The following DNAH5 variants were observed in gnomAD, a reference collection of about 807,000 sequenced individuals.
DNAH5 encodes the protein dynein axonemal heavy chain 5.
Under a neutral mutation model 518.2 loss-of-function variants are expected in DNAH5, and 372 were observed. The ratio of observed to expected loss-of-function variants is 0.72; its 90% CI spans 0.66 to 0.78. The LOEUF is 0.78. Ranked by LOEUF, DNAH5 falls within the 30% of genes least tolerant of loss-of-function variation. The probability of loss-of-function intolerance (pLI) is 0.00; values close to 1 mark genes in which losing one functional copy is unlikely to be tolerated. For synonymous variants in DNAH5, 2,039 were observed against 2,025.9 expected, an observed-to-expected ratio of 1.01 and a Z score of -0.17; for missense variants, 5,523 against 5,687.0, an observed-to-expected ratio of 0.97 and a Z score of 0.93.
upstream of DNAH5, among the ~76,000 whole-genome samples, chr5:13,945,558 G>T (rs1344096097): frequency 1.3e-5 from 2 of 152,120 alleles, no homozygotes; most frequent in Non-Finnish European, 2.9e-5. Context: ...ATATTATTTG[G>T]TAAGTAAATA....
At chr5:13,971,913 C>A (rs1323052645) in intron 1 of DNAH5, among the ~76,000 whole-genome samples, 1 of 152,070 alleles carries the variant, frequency 6.6e-6, no homozygotes, top group Non-Finnish European at 1.5e-5. Context: ...CTTCAGCTAC[C>A]AAGGTGGGTA....
At chr5:13,873,329 G>T (rs1770408868) in intron 22 of DNAH5, among the ~76,000 whole-genome samples, 1 of 151,922 alleles carries the variant, frequency 6.6e-6, no homozygotes, top group African/African-American at 2.4e-5. Flanking sequence ...ATTTCACTAA[G>T]ATTGTTACTG....
chr5:13,870,052 A>T (rs1334651701), intron 24 of DNAH5, among the ~76,000 whole-genome samples: 1 of 152,188 alleles, frequency 6.6e-6, no homozygotes, highest in Non-Finnish European at 1.5e-5. Flanking sequence ...TGCAAAAAAA[A>T]GACATTTTCA....
chr5:13,975,856 A>G (rs1166047498), intron 1 of DNAH5, among the ~76,000 whole-genome samples: 1 of 152,172 alleles, frequency 6.6e-6, no homozygotes, highest in African/African-American at 2.4e-5. Flanking sequence ...AGTCAGCTAA[A>G]CTTGCACAAG....
intron 49 of DNAH5, among the ~76,000 whole-genome samples, chr5:13,793,104 T>A (rs1311515110): frequency 1.3e-5 from 2 of 152,198 alleles, no homozygotes; most frequent in Non-Finnish European, 2.9e-5. Context: ...TGCCATTATT[T>A]CTTTGGCCAA....
intron 4 of DNAH5, 127 bp downstream of exon 4, chr5:13,923,153 A>T: frequency 7.8e-7 from 1 of 1,277,544 alleles, no homozygotes; most frequent in East Asian, 2.3e-5. Context: ...ATTTTTAAAA[A>T]ATACTTCTCT....
At chr5:13,867,689 T>C (rs1181390655) in intron 25 of DNAH5, 85 bp downstream of exon 25, 1 of 1,085,908 alleles carries the variant, frequency 9.2e-7, no homozygotes, top group African/African-American at 1.6e-5. Context: ...TCACAGAAAT[T>C]TACCCATAAT....
Position 13,864,379 on chromosome 5 carries a change from C to T in DNAH5, c.4596+18G>A, listed in dbSNP as rs1219835765. The T allele has an allele frequency of 6.2e-7, 1 of 1,613,258 alleles. No homozygotes were observed. The highest frequency in any genetic ancestry group is 1.1e-5 in the South Asian group (1 of 90,998). ...AATCCCATGAGACCTTGCAATCTTC[C>T]ATCACATCATACTCTACCTCTATTT... is the stretch of plus-strand genomic sequence containing the variant. On this transcript the variant is annotated intron_variant, in intron 28 of 78. Transcript: ENST00000265104.
At chr5:13,847,889 T>C (rs940899471) in intron 31 of DNAH5, among the ~76,000 whole-genome samples, 2 of 152,156 alleles carry the variant, frequency 1.3e-5, no homozygotes, top group South Asian at 2.1e-4. Flanking sequence ...AGTGTTTTAG[T>C]GGTAACTGAA....
chr5:13,941,170 T>C lies in DNAH5; in HGVS notation c.57+3212A>G, dbSNP rs548884934. On this transcript the variant is annotated intron_variant, in intron 1 of 78. Transcript: ENST00000265104. ...GAGTTTGAGATCAGTCTGTGCAGCATAGCAAGACTCCATCTCTACAAAAAT... is the reference window on the plus strand; with the variant it reads ...GAGTTTGAGATCAGTCTGTGCAGCACAGCAAGACTCCATCTCTACAAAAAT... Among the ~76,000 whole-genome samples the C allele has an allele frequency of 7.9e-5, 12 of 152,226 alleles. No homozygotes were observed. The East Asian group carries it at 1.7e-3, about 22-fold the overall frequency.
intron 1 of DNAH5, among the ~76,000 whole-genome samples, chr5:13,961,735 G>A (rs1296855456): frequency 3.3e-5 from 5 of 152,130 alleles, no homozygotes; most frequent in Admixed American, 1.3e-4. Context: ...TCACTACACA[G>A]CATTATGAGC....
At chr5:13,978,046 A>G (rs1474127854) in intron 1 of DNAH5, among the ~76,000 whole-genome samples, 3 of 152,220 alleles carry the variant, frequency 2.0e-5, no homozygotes, top group Non-Finnish European at 4.4e-5. Context: ...GAGCAGGTGC[A>G]GCTTTGAGGC....
rs1443440682 is a variant in DNAH5, at chr5:13,870,955, C to T, written c.3646G>A (p.Val1216Ile). The part of the protein sequence containing the change: ...LTAETKAWMV[V>I]IGRHCNKKYR... The stretch of plus-strand genomic sequence containing the variant: ...TTTTTGTTACAGTGGCGTCCAATGA[C>T]AACCATCCAGGCCTTTGTCTCAGCA... Residue 1216 changes from valine to isoleucine, a missense_variant, in exon 24 of 79, where the codon GTC becomes ATC. By Grantham distance (29) the Val-to-Ile change is conservative (BLOSUM62 3). Coordinates refer to ENST00000265104, the MANE Select transcript of DNAH5 (RefSeq NM_001369.3). 3.7e-6 allele frequency: 6 copies of T among 1,613,606 alleles called. No individual in the cohort carries two copies. The highest frequency in any genetic ancestry group is 5.1e-6 in the Non-Finnish European group (6 of 1,179,796).
intron 45 of DNAH5, 29 bp from the exon 46 acceptor site, chr5:13,809,215 C>G: frequency 6.2e-7 from 1 of 1,613,478 alleles, no homozygotes; most frequent in Admixed American, 1.7e-5. Context: ...ATTTCCATCT[C>G]CATATTAATA....
In DNAH5 at chr5:13,830,732, C is replaced by A. The variant is rs751690064; in HGVS notation, c.5926G>T (p.Gly1976Ter). 3.1e-6 allele frequency: 5 copies of A among 1,614,120 alleles called. No individual in the cohort carries two copies. The East Asian group carries it at 8.9e-5, about 29-fold the overall frequency. Residue 1976 changes from glycine (G) to a stop codon, truncating the protein, a stop_gained, in exon 36 of 79, where the codon GGA becomes TGA. Transcript: ENST00000265104. LOFTEE classifies it high-confidence loss of function. Reference protein sequence around the residue: ...LAQALGMSMGGAPAGPAGTGK... With the variant: ...LAQALGMSMG ...GTGCCTGCAGGTCCAGCAGGGGCTC[C>A]CCCCATGCTCATTCCCAGAGCTTGA...
intron 44 of DNAH5, among the ~76,000 whole-genome samples, chr5:13,810,770 A>G (rs1240608548): frequency 8.4e-6 from 1 of 119,676 alleles, no homozygotes; most frequent in African/African-American, 3.3e-5. Context: ...CAAAACAAAC[A>G]AACAAAAAAA....
intron 1 of DNAH5, among the ~76,000 whole-genome samples, chr5:13,972,145 C>T (rs1581077643): frequency 6.6e-6 from 1 of 152,098 alleles, no homozygotes; most frequent in African/African-American, 2.4e-5. Context: ...CCATGCAGCT[C>T]GAAAGCTAGT....
intron 40 of DNAH5, among the ~76,000 whole-genome samples, chr5:13,822,048 C>G (rs993131643): frequency 3.3e-5 from 5 of 152,166 alleles, no homozygotes; most frequent in African/African-American, 1.2e-4. Flanking sequence ...TATCAAAGCA[C>G]TGGGACTATT....
rs540269302 is a variant in DNAH5, at chr5:13,805,071, G to A, written c.7887+2520C>T. The stretch of plus-strand genomic sequence containing the variant: ...AACCCTGGAAATTTCCTGAGTGATA[G>A]AAAGGACTCACATGGGCCCCTCATA... On this transcript the variant is annotated intron_variant, in intron 47 of 78. Coordinates refer to ENST00000265104, the MANE Select transcript of DNAH5 (RefSeq NM_001369.3). Among the ~76,000 whole-genome samples, 4 of 152,230 alleles carry A rather than the reference G, an allele frequency of 2.6e-5. No individual in the cohort carries two copies. The East Asian group carries it at 7.7e-4, about 29-fold the overall frequency.
Sources: allele counts gnomAD v4.1 joint callset (sites outside exome capture counted in the v4.1 genomes callset), GRCh38; gene constraint gnomAD v4.1.1; transcripts MANE v1.5; gene names NCBI Gene and HGNC (gene_info 2026-07-23, HGNC 2026-07-21).